AOPEP: variants seen among roughly 807,000 people sequenced by gnomAD.
AOPEP encodes the protein aminopeptidase O (putative).
A neutral mutation model predicts 98.1 loss-of-function variants in AOPEP; 77 were observed. The ratio of observed to expected loss-of-function variants is 0.78; its 90% CI spans 0.65 to 0.95. AOPEP has a LOEUF of 0.95. Ranked by LOEUF, AOPEP falls within the 40% of genes least tolerant of loss-of-function variation. The pLI, the probability that AOPEP is intolerant of heterozygous loss-of-function variation, is 0.00. For missense variants in AOPEP, 1,024 were observed against 1,024.7 expected, an observed-to-expected ratio of 1.00 and a Z score of 0.01; for synonymous variants, 346 against 365.3, an observed-to-expected ratio of 0.95 and a Z score of 0.60.
the AOPEP span, chr9:95,126,821 C>T: frequency 2.0e-6 from 1 of 496,652 alleles, no homozygotes; most frequent in Non-Finnish European, 3.7e-6. Context: ...GTATGTCCCA[C>T]ATTTTCTATA....
chr9:94,949,392 T>A (rs532266154), intron 7 of AOPEP, among the ~76,000 whole-genome samples: 2 of 152,328 alleles, frequency 1.3e-5, no homozygotes, highest in South Asian at 4.1e-4. Context: ...CCCGGGACGC[T>A]GAGACTTCTT....
At chr9:95,031,973 G>A (rs2064348112) in intron 13 of AOPEP, among the ~76,000 whole-genome samples, 1 of 152,176 alleles carries the variant, frequency 6.6e-6, no homozygotes, top group Non-Finnish European at 1.5e-5. Context: ...GCTTACAGGG[G>A]CATGAATAAG....
the AOPEP span, among the ~76,000 whole-genome samples, chr9:95,120,503 G>A: frequency 1.3e-5 from 2 of 150,766 alleles, no homozygotes; most frequent in South Asian, 2.1e-4. Flanking sequence ...CAGCCTCCAC[G>A]TTCTGGGCTC....
chr9:94,747,593 A>T (rs962348789), intron 1 of AOPEP, among the ~76,000 whole-genome samples: 1 of 152,232 alleles, frequency 6.6e-6, no homozygotes, highest in Non-Finnish European at 1.5e-5. Context: ...AAATAAAATG[A>T]CTAAAAGCAT....
chr9:95,016,397 C>A (rs1202742795), intron 13 of AOPEP, among the ~76,000 whole-genome samples: 1 of 151,840 alleles, frequency 6.6e-6, no homozygotes, highest in African/African-American at 2.4e-5. Flanking sequence ...GCACCCACCA[C>A]CACGCCTGGC....
intron 7 of AOPEP, among the ~76,000 whole-genome samples, chr9:94,935,964 C>T (rs918489007): frequency 1.1e-4 from 16 of 152,302 alleles, no homozygotes; most frequent in Non-Finnish European, 1.9e-4. Flanking sequence ...AGCTCCAGCT[C>T]CTGCCTCTCC....
chr9:95,146,307 T>G, the AOPEP span, among the ~76,000 whole-genome samples: 1 of 151,472 alleles, frequency 6.6e-6, no homozygotes, highest in African/African-American at 2.4e-5. Context: ...GGCAACATGG[T>G]GAAATGCCGT....
chr9:94,821,699 A>C (rs1853173688), intron 5 of AOPEP, among the ~76,000 whole-genome samples: 1 of 152,158 alleles, frequency 6.6e-6, no homozygotes, highest in Non-Finnish European at 1.5e-5. Flanking sequence ...CCCAAAACTC[A>C]ATTTTAAATA....
intron 9 of AOPEP, among the ~76,000 whole-genome samples, chr9:94,964,635 CTTTT>C (rs1240777817): frequency 0.072 from 8,833 of 122,374 alleles, 505 homozygotes; most frequent in African/African-American, 0.22. Flanking sequence ...AGTACTTGGA[CTTTT>C]TTTTTTTTTT....
At chr9:94,904,534 A>G (rs1227080186) in intron 5 of AOPEP, 1 of 152,222 alleles carries the variant, frequency 6.6e-6, no homozygotes, top group Admixed American at 6.5e-5. Flanking sequence ...TGTTTTTGAA[A>G]ATCATGACCA....
At chr9:94,983,974 A>T (rs997679494) in intron 11 of AOPEP, among the ~76,000 whole-genome samples, 3 of 151,488 alleles carry the variant, frequency 2.0e-5, no homozygotes, top group Admixed American at 2.0e-4. Context: ...TCACCGTCCA[A>T]TGCACTAGCT....
the AOPEP span, among the ~76,000 whole-genome samples, chr9:95,093,560 T>C: frequency 6.6e-6 from 1 of 152,166 alleles, no homozygotes; most frequent in Admixed American, 6.5e-5. Context: ...TTCTCATAGA[T>C]CACACATGCA....
intron 14 of AOPEP, among the ~76,000 whole-genome samples, chr9:95,078,263 C>T (rs1008322840): frequency 2.6e-5 from 4 of 152,170 alleles, no homozygotes; most frequent in Admixed American, 6.5e-5. Flanking sequence ...TGCCTCCGGC[C>T]GCCACCGAGG....
At chr9:94,734,392 A>G (rs1285647543) in intron 1 of AOPEP, among the ~76,000 whole-genome samples, 1 of 152,200 alleles carries the variant, frequency 6.6e-6, no homozygotes, top group Non-Finnish European at 1.5e-5. Context: ...GAGGCCAGCA[A>G]TTGGGGGAGG....
intron 13 of AOPEP, among the ~76,000 whole-genome samples, chr9:95,055,267 T>G (rs1276249598): frequency 6.6e-6 from 1 of 152,228 alleles, no homozygotes; most frequent in Non-Finnish European, 1.5e-5. Flanking sequence ...GACCATTTAT[T>G]GAAGACTGTG....
intron 5 of AOPEP, among the ~76,000 whole-genome samples, chr9:94,867,039 A>G (rs905547182): frequency 6.6e-6 from 1 of 152,238 alleles, no homozygotes; most frequent in African/African-American, 2.4e-5. Flanking sequence ...ATCTCATTGC[A>G]GTGAAGATGA....
chr9:95,001,879 G>T (rs768352066), intron 11 of AOPEP, among the ~76,000 whole-genome samples: 1 of 152,016 alleles, frequency 6.6e-6, no homozygotes, highest in Non-Finnish European at 1.5e-5. Context: ...CCGGGCTCAA[G>T]TGATCCTCCC....
intron 11 of AOPEP, chr9:95,004,181 C>T (rs764419747): frequency 2.2e-6 from 1 of 455,208 alleles, no homozygotes; most frequent in Non-Finnish European, 4.4e-6. Flanking sequence ...CGACTCTCCG[C>T]CCCGGCCCGC....
chr9:94,928,480 G>C lies in AOPEP; in HGVS notation c.1610G>C (p.Arg537Pro). 1 of 1,550,424 alleles carries C rather than the reference G, an allele frequency of 6.4e-7. No individual in the cohort carries two copies. Among genetic ancestry groups the C allele is most frequent in the Non-Finnish European group, 8.7e-7 (1 of 1,147,014 alleles). ...QQELRACLRWRRLQDEMQCSP... is the reference protein window; with the variant it reads ...QQELRACLRWPRLQDEMQCSP... ...GAGCTGAGGGCTTGTCTGCGCTGGC[G>C]TCGCCTCCAGGACGAGATGCAATGC... The change falls in exon 7 of 17, where the codon CGT becomes CCT. Residue 537 changes from arginine (R) to proline (P), a missense_variant. Physicochemically the swap from Arg to Pro is moderately radical, Grantham distance 103. Coordinates refer to ENST00000375315, the MANE Select transcript of AOPEP (RefSeq NM_001193329.3).
Sources: gnomAD v4.1 joint callset for allele counts (sites outside exome capture counted in the v4.1 genomes callset) on GRCh38, gnomAD v4.1.1 for gene constraint, MANE v1.5 for transcripts, NCBI Gene and HGNC (gene_info 2026-07-23, HGNC 2026-07-21) for gene names.